Variants in CPEB2 observed in about 807,000 individuals in gnomAD.
CPEB2 encodes the protein cytoplasmic polyadenylation element binding protein 2.
Under a neutral mutation model 93.6 loss-of-function variants are expected in CPEB2, and 56 were observed. That is an observed-to-expected ratio of 0.60 (90% CI 0.48 to 0.75). The LOEUF is 0.75. CPEB2 is among the 30% of genes least tolerant of loss of function. CPEB2 has a pLI of 0.00. For missense variants in CPEB2, 1,579 were observed against 1,395.1 expected, an observed-to-expected ratio of 1.13 and a Z score of -2.10; for synonymous variants, 764 against 586.3, an observed-to-expected ratio of 1.30 and a Z score of -4.38.
chr4:15,063,585 G>C (rs1401686801), intron 11 of CPEB2, among the ~76,000 whole-genome samples: 1 of 152,126 alleles, frequency 6.6e-6, no homozygotes, highest in African/African-American at 2.4e-5. Context: ...TGACACAAAT[G>C]TACAGCAGTG....
In CPEB2 at chr4:15,002,614, G is replaced by T; in HGVS notation, c.-60G>T. 2.2e-6 allele frequency: 3 copies of T among 1,374,748 alleles called. No homozygotes were observed. Among genetic ancestry groups the T allele is most frequent in the Non-Finnish European group, 1.9e-6 (2 of 1,047,034 alleles). The allele number at this position is 1,374,748 out of a possible 1,614,324, so 85.2% of individuals were successfully genotyped here. A position where few individuals can be genotyped will look rare whatever the true frequency, so the allele number is the denominator to read the frequency against. On this transcript the variant is annotated 5_prime_UTR_variant, in exon 1 of 12. Transcript: ENST00000538197. ...ACGGCCGCGCAACCCCAGCGCCGGCGGCTTCCTAGGTGGGGCAGGGGACGA... is the reference window on the plus strand; with the variant it reads ...ACGGCCGCGCAACCCCAGCGCCGGCTGCTTCCTAGGTGGGGCAGGGGACGA...
At chr4:15,013,733 G>T (rs1723776174) in intron 3 of CPEB2, among the ~76,000 whole-genome samples, 1 of 151,924 alleles carries the variant, frequency 6.6e-6, no homozygotes, top group Non-Finnish European at 1.5e-5. Flanking sequence ...GTGCTCTTTG[G>T]TTGCTCAAGG....
In CPEB2 at chr4:15,003,387, C is replaced by T; in HGVS notation, c.714C>T (p.Leu238=). 2 of 1,376,786 alleles carry T rather than the reference C, an allele frequency of 1.5e-6. No homozygotes were observed. Among genetic ancestry groups the T allele is most frequent in the Non-Finnish European group, 1.9e-6 (2 of 1,076,704 alleles). 85.3% of individuals were successfully genotyped at this position (1,376,786 alleles called of 1,614,324 possible). ...AACAGCCGCCGCAGCAGTTCAGCCT[C>T]CTGCATCAGCAGCACCTCTCGCCGC... ...QQQQPPQQFS[L]LHQQHLSPQD... The change falls in exon 1 of 12, where the codon CTC becomes CTT. Residue 238 remains leucine (L), a synonymous_variant. Transcript: ENST00000538197.
intron 6 of CPEB2, among the ~76,000 whole-genome samples, chr4:15,046,398 A>G (rs1429356834): frequency 1.3e-5 from 2 of 151,970 alleles, no homozygotes; most frequent in African/African-American, 2.4e-5. Flanking sequence ...GCTAATTTTT[A>G]TATTTTTAGT....
At chr4:15,045,804 CTCT>C (rs1384149222) in intron 6 of CPEB2, among the ~76,000 whole-genome samples, 4 of 151,994 alleles carry the variant, frequency 2.6e-5, no homozygotes, top group African/African-American at 9.7e-5. Context: ...ACCATATCAG[CTCT>C]TCTTTTAAAA....
intron 5 of CPEB2, among the ~76,000 whole-genome samples, chr4:15,039,727 T>C (rs1726992295): frequency 1.3e-5 from 2 of 152,114 alleles, no homozygotes; most frequent in African/African-American, 4.8e-5. Context: ...TATATACTTT[T>C]ATGGTATTTA....
chr4:15,022,799 A>C (rs1347561736), intron 4 of CPEB2, among the ~76,000 whole-genome samples: 1 of 152,130 alleles, frequency 6.6e-6, no homozygotes, highest in Non-Finnish European at 1.5e-5. Flanking sequence ...GTGAAAGTAC[A>C]ATTTATGAGT....
rs1169138759 is a variant in CPEB2 at position 15,003,095 on chromosome 4, A to C, written c.422A>C (p.Lys141Thr). The C allele has an allele frequency of 5.9e-6, 9 of 1,532,042 alleles. No individual in the cohort carries two copies. The highest frequency in any genetic ancestry group is 7.9e-6 in the Non-Finnish European group (9 of 1,145,604). The allele number at this position is 1,532,042 out of a possible 1,614,324, so 94.9% of individuals were successfully genotyped here. A position where few individuals can be genotyped will look rare whatever the true frequency, so the allele number is the denominator to read the frequency against. The change falls in exon 1 of 12, where the codon AAA becomes ACA. Residue 141 changes from lysine (K) to threonine (T), a missense_variant. Around this residue, in one of 2 missense-constraint regions of CPEB2, gnomAD observed 1,411 missense variants for 1,056.0 expected, o/e 1.34. Coordinates refer to ENST00000538197, the MANE Select transcript of CPEB2 (RefSeq NM_001177382.2). Reference protein sequence around the residue: ...VTHLLPSQDFKPSLHHPSSSS... With the variant: ...VTHLLPSQDFTPSLHHPSSSS... The stretch of plus-strand genomic sequence containing the variant: ...CACCTCCTCCCCTCCCAGGACTTCA[A>C]ACCGAGTCTGCACCACCCCTCCTCC...
chr4:15,049,400 TTCC>T (rs1728015518), intron 6 of CPEB2, among the ~76,000 whole-genome samples: 1 of 152,138 alleles, frequency 6.6e-6, no homozygotes, highest in Admixed American at 6.5e-5. Context: ...GTGAAAAACT[TTCC>T]AAAGTATTGT....
intron 3 of CPEB2, among the ~76,000 whole-genome samples, chr4:15,015,229 A>G (rs1226751972): frequency 1.3e-5 from 2 of 152,074 alleles, no homozygotes; most frequent in South Asian, 2.1e-4. Flanking sequence ...CCAGCCTTCC[A>G]GATGATTCTG....
At chr4:15,033,074 T>A in intron 4 of CPEB2, 87 bp from the exon 5 acceptor site, 2 of 855,108 alleles carry the variant, frequency 2.3e-6, no homozygotes, top group South Asian at 3.0e-5. Context: ...CTCTTTATGC[T>A]GCCTTTGTTG....
chr4:15,070,065 A>C lies in CPEB2; in HGVS notation c.*3685A>C, dbSNP rs1251431781. 2.0e-5 allele frequency: 3 copies of C among 152,268 alleles called. No individual in the cohort carries two copies. 9.4% of individuals were successfully genotyped at this position (152,268 alleles called of 1,614,324 possible). A position where few individuals can be genotyped will look rare whatever the true frequency, so the allele number is the denominator to read the frequency against. On this transcript the variant is annotated 3_prime_UTR_variant, in exon 12 of 12. Transcript: ENST00000538197. Reference sequence around the variant, plus strand: ...ACTGGTAATTTAACTCTGTAATGGAATAGTTTGCTGCCAACTATTTATATT... The same window carrying C: ...ACTGGTAATTTAACTCTGTAATGGACTAGTTTGCTGCCAACTATTTATATT...
intron 5 of CPEB2, among the ~76,000 whole-genome samples, chr4:15,037,401 CTCA>C (rs2109040924): frequency 6.6e-6 from 1 of 152,016 alleles, no homozygotes; most frequent in African/African-American, 2.4e-5. Context: ...CTTTAGTTTC[CTCA>C]TCAAGAGAAC....
At chr4:15,028,222 A>T (rs1725686437) in intron 4 of CPEB2, among the ~76,000 whole-genome samples, 1 of 152,094 alleles carries the variant, frequency 6.6e-6, no homozygotes, top group African/African-American at 2.4e-5. Flanking sequence ...AGAAGGGAAA[A>T]ATTTATCTTG....
At chr4:15,032,398 T>C (rs942203973) in intron 4 of CPEB2, among the ~76,000 whole-genome samples, 8 of 152,222 alleles carry the variant, frequency 5.3e-5, no homozygotes, top group African/African-American at 1.9e-4. Flanking sequence ...AGTGTTATGA[T>C]GTAAAAATGC....
chr4:15,067,300 G>A lies in CPEB2; in HGVS notation c.*920G>A, dbSNP rs565187677. 6.6e-6 allele frequency: 1 copy of A among 152,580 alleles called. No individual in the cohort carries two copies. Among genetic ancestry groups the A allele is most frequent in the East Asian group, 1.9e-4 (1 of 5,162 alleles). 9.5% of individuals were successfully genotyped at this position (152,580 alleles called of 1,614,324 possible). On this transcript the variant is annotated 3_prime_UTR_variant, in exon 12 of 12. Coordinates refer to ENST00000538197, the MANE Select transcript of CPEB2 (RefSeq NM_001177382.2). ...TCAAGTTTAAAAAATCGTCTTACATGTGTACAATATGCAAATTAGTTTTAG... is the reference window on the plus strand; with the variant it reads ...TCAAGTTTAAAAAATCGTCTTACATATGTACAATATGCAAATTAGTTTTAG...
At chr4:15,038,292 A>G (rs532242682) in intron 5 of CPEB2, among the ~76,000 whole-genome samples, 4 of 152,356 alleles carry the variant, frequency 2.6e-5, no homozygotes, top group African/African-American at 9.6e-5. Context: ...TCAGCTAAGA[A>G]CATAAACTGG....
At position 15,002,500 on chromosome 4, in the gene CPEB2, C is replaced by T. The variant is rs1306286812; in HGVS notation, c.-174C>T. Among the ~76,000 whole-genome samples the T allele has an allele frequency of 2.0e-5, 3 of 149,760 alleles. No homozygotes were observed. Among genetic ancestry groups the T allele is most frequent in the African/African-American group, 7.4e-5 (3 of 40,686 alleles). ...GCGACTGCGACGGCGGCGGCGGCGG[C>T]GATCGCCGCGAGGGGTGGTGGGGCC... On this transcript the variant is annotated 5_prime_UTR_variant, in exon 1 of 12. Transcript: ENST00000538197.
In CPEB2 at chr4:15,003,068, C is replaced by A. The variant is rs1324074345; in HGVS notation, c.395C>A (p.Thr132Asn). ...HPGGGTIAGV[T>N]HLLPSQDFKP... ...GGCGGCGGCACGATCGCGGGTGTGA[C>A]CCACCTCCTCCCCTCCCAGGACTTC... The change falls in exon 1 of 12, where the codon ACC becomes AAC. Residue 132 changes from threonine to asparagine, a missense_variant. Physicochemically the swap from Thr to Asn is moderately conservative, Grantham distance 65. Around this residue, in one of 2 missense-constraint regions of CPEB2, gnomAD observed 1,411 missense variants for 1,056.0 expected, o/e 1.34. Coordinates refer to ENST00000538197, the MANE Select transcript of CPEB2 (RefSeq NM_001177382.2). The A allele has an allele frequency of 1.3e-6, 2 of 1,525,972 alleles. No homozygotes were observed. Among genetic ancestry groups the A allele is most frequent in the Non-Finnish European group, 1.7e-6 (2 of 1,143,738 alleles). The allele number at this position is 1,525,972 out of a possible 1,614,324, so 94.5% of individuals were successfully genotyped here.
Sources: gnomAD v4.1 joint callset for allele counts (sites outside exome capture counted in the v4.1 genomes callset) on GRCh38, gnomAD v4.1.1 for gene constraint, gnomAD v4.1.1 regional missense constraint, MANE v1.5 for transcripts, NCBI Gene and HGNC (gene_info 2026-07-23, HGNC 2026-07-21) for gene names.